Variants in C14orf93 observed in about 807,000 individuals in gnomAD.
C14orf93 encodes chromosome 14 open reading frame 93.
C14orf93 carries 23 observed loss-of-function variants against 44.0 expected under a neutral mutation model. The observed-to-expected ratio is 0.52, with a 90% CI of 0.38 to 0.74. The LOEUF (loss-of-function observed/expected upper bound fraction) is 0.74, where lower values mean the gene tolerates loss of function less well. C14orf93 is among the 30% of genes least tolerant of loss of function. The pLI, the probability that C14orf93 is intolerant of heterozygous loss-of-function variation, is 0.00. For synonymous variants in C14orf93, 253 were observed against 265.7 expected (o/e 0.95, Z 0.46); for missense variants, 579 against 678.9 (o/e 0.85, Z 1.64).
chr14:22,992,104 T>C (rs972829271), intron 3 of C14orf93, among the ~76,000 whole-genome samples: 1 of 152,232 alleles, frequency 6.6e-6, no homozygotes, highest in Non-Finnish European at 1.5e-5. Flanking sequence ...ACTTTGTTTA[T>C]ACCCATCTAA....
In C14orf93 at chr14:23,001,863, A is replaced by T. The variant is rs867133434; in HGVS notation, c.-379-2461T>A. Among the ~76,000 whole-genome samples, 749 of 148,748 alleles carry T rather than the reference A, an allele frequency of 5.0e-3. 5 individuals carry two copies. The highest frequency in any genetic ancestry group is 8.4e-3 in the Non-Finnish European group (562 of 66,874). On this transcript the variant is annotated intron_variant, in intron 1 of 6. Transcript: ENST00000299088. ...TTAAAAAAAAAAAAAAAAAAAAAAA[A>T]AAAAGGGCTGGGCGGTGGCTCACGC...
rs770462277 is a variant in C14orf93 at position 22,987,396 on chromosome 14, C to T, written c.1436G>A (p.Arg479Lys). The T allele has an allele frequency of 6.2e-7, 1 of 1,614,268 alleles. No individual in the cohort carries two copies. Among genetic ancestry groups the T allele is most frequent in the Non-Finnish European group, 8.5e-7 (1 of 1,180,054 alleles). Residue 479 changes from arginine to lysine, a missense_variant, in exon 7 of 7, where the codon AGA becomes AAA. Coordinates refer to ENST00000299088, the MANE Select transcript of C14orf93 (RefSeq NM_021944.4). The surrounding 1 kb of genome is among the most constrained non-coding windows in gnomAD (Gnocchi z 5.6). ...ANRVYGPPSDRLPSAEAQLLP... is the reference protein window; with the variant it reads ...ANRVYGPPSDKLPSAEAQLLP... ...GAGCTGGGCTTCAGCAGAAGGCAGTCTGTCTGAGGGAGGCCCATACACACG... is the reference window on the plus strand; with the variant it reads ...GAGCTGGGCTTCAGCAGAAGGCAGTTTGTCTGAGGGAGGCCCATACACACG...
At chr14:23,003,195 G>A (rs1016066530) in intron 1 of C14orf93, among the ~76,000 whole-genome samples, 7 of 152,056 alleles carry the variant, frequency 4.6e-5, no homozygotes, top group African/African-American at 1.5e-4. Context: ...ATCACATTCA[G>A]GGCAACAAAT....
chr14:23,010,062 A>G (rs1376434133), intron 1 of C14orf93, 39 bp downstream of exon 1: 4 of 152,104 alleles, frequency 2.6e-5, no homozygotes, highest in Non-Finnish European at 4.4e-5. Flanking sequence ...TTGAAAACAC[A>G]CACAAGATTA....
At chr14:22,992,790 G>T (rs1415765156) in intron 3 of C14orf93, among the ~76,000 whole-genome samples, 2 of 151,920 alleles carry the variant, frequency 1.3e-5, no homozygotes, top group African/African-American at 4.8e-5. Flanking sequence ...TCACCATGTT[G>T]GCCAGGCTGG....
At chr14:22,994,735 A>G (rs1456695719) in intron 3 of C14orf93, among the ~76,000 whole-genome samples, 1 of 121,008 alleles carries the variant, frequency 8.3e-6, no homozygotes, top group Non-Finnish European at 1.6e-5. Context: ...CTCAAGAAAG[A>G]AAAAAAAAAA....
chr14:22,995,679 C>CA (rs58710730), intron 3 of C14orf93, among the ~76,000 whole-genome samples: 4,111 of 44,368 alleles, frequency 0.093, 449 homozygotes, highest in African/African-American at 0.2. Flanking sequence ...GACTCTGACT[C>CA]AAAAAAAAAA....
chr14:22,999,866 GA>G, intron 1 of C14orf93: 1 of 152,356 alleles, frequency 6.6e-6, no homozygotes, highest in African/African-American at 2.4e-5. Context: ...ATGCTTTGGG[GA>G]TGAGGGCAGG....
intron 1 of C14orf93, among the ~76,000 whole-genome samples, chr14:23,003,921 T>TTTTTTA (rs1440163820): frequency 2.6e-5 from 2 of 76,662 alleles, no homozygotes; most frequent in Admixed American, 1.4e-4. Flanking sequence ...TTTTTTTTTT[T>TTTTTTA]TTTTTTGAGA....
At chr14:23,003,012 T>C (rs1326751895) in intron 1 of C14orf93, among the ~76,000 whole-genome samples, 1 of 152,170 alleles carries the variant, frequency 6.6e-6, no homozygotes, top group Non-Finnish European at 1.5e-5. Context: ...ATTAGAAAGG[T>C]AATTTAGTAT....
At chr14:22,994,759 G>T (rs2045873436) in intron 3 of C14orf93, among the ~76,000 whole-genome samples, 1 of 151,940 alleles carries the variant, frequency 6.6e-6, no homozygotes, top group Non-Finnish European at 1.5e-5. Context: ...GAAGTTTTTG[G>T]GTACAGAGTT....
intron 1 of C14orf93, chr14:23,001,024 A>G (rs1202915139): frequency 6.6e-6 from 1 of 152,256 alleles, no homozygotes; most frequent in African/African-American, 2.4e-5. Flanking sequence ...TGGGAGGCAC[A>G]GCTAAACCTG....
chr14:22,986,794 C>A lies in C14orf93; in HGVS notation c.*421G>T, dbSNP rs2045248481. 9.9e-6 allele frequency: 2 copies of A among 202,036 alleles called. No individual in the cohort carries two copies. Among genetic ancestry groups the A allele is most frequent in the African/African-American group, 2.3e-5 (1 of 42,898 alleles). The allele number at this position is 202,036 out of a possible 1,614,324, so 12.5% of individuals were successfully genotyped here. A position where few individuals can be genotyped will look rare whatever the true frequency, so the allele number is the denominator to read the frequency against. On this transcript the variant is annotated 3_prime_UTR_variant, in exon 7 of 7. Coordinates refer to ENST00000299088, the MANE Select transcript of C14orf93 (RefSeq NM_021944.4). ...CACTGGTCATGTTCGGTTTCCACTG[C>A]AGAGCAAGACAAGTAGTCACAGGGA...
intron 1 of C14orf93, among the ~76,000 whole-genome samples, chr14:23,008,600 C>G (rs1322209602): frequency 1.3e-5 from 2 of 151,960 alleles, no homozygotes; most frequent in Non-Finnish European, 1.5e-5. Flanking sequence ...CCTATGCTTT[C>G]ACTCCAATCT....
chr14:22,992,374 A>G (rs28600251), intron 3 of C14orf93, among the ~76,000 whole-genome samples: 70,749 of 150,074 alleles, frequency 0.47, 17,902 homozygotes, highest in African/African-American at 0.66. Context: ...GCTGAGACAG[A>G]GGAATTGCTT....
In C14orf93 at chr14:22,998,767, T is replaced by C. The variant is rs776512632; in HGVS notation, c.257A>G (p.Asn86Ser). 1.1e-5 allele frequency: 17 copies of C among 1,614,030 alleles called. No individual in the cohort carries two copies. Among genetic ancestry groups the C allele is most frequent in the Non-Finnish European group, 1.4e-5 (16 of 1,180,046 alleles). Residue 86 changes from asparagine to serine, a missense_variant, in exon 2 of 7, where the codon AAC (asparagine) becomes AGC (serine). Physicochemically the swap from Asn to Ser is conservative, Grantham distance 46. Transcript: ENST00000299088. ...CTGGAGACGTTTTAACAACTCATTG[T>C]TGGCCCTGGCAAGACCCAGAGCAGC... ...AEAALGLARANNELLKRLQEE... is the reference protein window; with the variant it reads ...AEAALGLARASNELLKRLQEE...
rs1235245439 is a variant in C14orf93 at position 22,999,035 on chromosome 14, C to T, written c.-12G>A. 6.3e-7 allele frequency: 1 copy of T among 1,596,992 alleles called. No homozygotes were observed. The highest frequency in any genetic ancestry group is 2.2e-5 in the East Asian group (1 of 44,782). On this transcript the variant is annotated 5_prime_UTR_variant, in exon 2 of 7. Transcript: ENST00000299088. ...GCACTGAAGGACATGGCGGATGGGG[C>T]AGTAACAACCACGCTTACACTGCTG... is the stretch of plus-strand genomic sequence containing the variant.
chr14:22,998,279 C>T, intron 2 of C14orf93, 148 bp downstream of exon 2: 1 of 1,172,236 alleles, frequency 8.5e-7, no homozygotes, highest in Non-Finnish European at 1.1e-6. Context: ...GCTGACTATC[C>T]CTGAAGGAAA....
intron 1 of C14orf93, among the ~76,000 whole-genome samples, chr14:23,004,538 C>G (rs1380042422): frequency 6.6e-6 from 1 of 152,136 alleles, no homozygotes; most frequent in Non-Finnish European, 1.5e-5. Context: ...GAAAGGAAGA[C>G]AAAGTCTCTA....
Sources: allele counts gnomAD v4.1 joint callset (sites outside exome capture counted in the v4.1 genomes callset), GRCh38; gene constraint gnomAD v4.1.1; non-coding constraint Gnocchi (gnomAD v3.1); transcripts MANE v1.5; gene names NCBI Gene and HGNC (gene_info 2026-07-23, HGNC 2026-07-21).